Variants in CLIC5 observed in about 807,000 individuals in gnomAD.
The protein encoded by CLIC5 is CLIC family member 5, also known as chloride intracellular channel protein 5.
In CLIC5, 20 loss-of-function variants were observed where a neutral mutation model predicts 24.7. The observed-to-expected ratio is 0.81, with a 90% confidence interval of 0.57 to 1.18. The LOEUF (loss-of-function observed/expected upper bound fraction) is 1.18, where lower values mean the gene tolerates loss of function less well. CLIC5 is among the 50% of genes most tolerant of loss of function. The pLI is 0.00. For synonymous variants in CLIC5, 159 were observed against 135.6 expected (o/e 1.17, Z -1.20); for missense variants, 341 against 326.1 (o/e 1.05, Z -0.35).
chr6:45,977,538 G>T (rs2039716), intron 1 of CLIC5, among the ~76,000 whole-genome samples: 40,969 of 151,942 alleles, frequency 0.27, 6,640 homozygotes, highest in Middle Eastern at 0.42. Flanking sequence ...CAATGACTTT[G>T]CACTAATAAT....
Position 46,039,216 on chromosome 6 carries a change from G to C in CLIC5, c.540+40487C>G, listed in dbSNP as rs542897884. On this transcript the variant is annotated intron_variant, in intron 1 of 5. Transcript: ENST00000185206. ...TTAAGATTCTTCCAGAATAACATGAGGGAAAATATACTAAATTTATTTTTT... is the reference window on the plus strand; with the variant it reads ...TTAAGATTCTTCCAGAATAACATGACGGAAAATATACTAAATTTATTTTTT... 8.9e-4 allele frequency among the ~76,000 whole-genome samples: 136 copies of C among 152,060 alleles called. 1 individual carries two copies. The highest frequency in any genetic ancestry group is 3.2e-3 in the African/African-American group (131 of 41,494).
In CLIC5 at chr6:45,903,220, C is replaced by T. The variant is rs539916161; in HGVS notation, c.624G>A (p.Pro208=). 2.9e-5 allele frequency: 46 copies of T among 1,609,096 alleles called. No individual in the cohort carries two copies. The Admixed American group carries it at 3.2e-4, about 11-fold the overall frequency. The change falls in exon 6 of 6, where the codon CCG becomes CCA. Residue 208 remains proline (P), a synonymous_variant. Transcript: ENST00000339561. The part of the protein sequence containing the change: ...VAKKYRNYDI[P]AEMTGLWRYL... ...ACCGCCACAGGCCTGTCATCTCAGCCGGGATATCATAGTTGCGGTATTTCT... is the reference window on the plus strand; with the variant it reads ...ACCGCCACAGGCCTGTCATCTCAGCTGGGATATCATAGTTGCGGTATTTCT...
chr6:46,087,907 T>C, the CLIC5 span, among the ~76,000 whole-genome samples: 1 of 152,206 alleles, frequency 6.6e-6, no homozygotes, highest in Non-Finnish European at 1.5e-5. Context: ...ATAAACGAGC[T>C]GCATATTTGT....
intron 1 of CLIC5, among the ~76,000 whole-genome samples, chr6:45,971,454 A>C (rs975964359): frequency 6.6e-6 from 1 of 152,208 alleles, no homozygotes; most frequent in Non-Finnish European, 1.5e-5. Flanking sequence ...AGGGTGAGCC[A>C]AAGTCCCAAC....
chr6:46,089,775 CAT>C, the CLIC5 span, among the ~76,000 whole-genome samples: 18 of 152,140 alleles, frequency 1.2e-4, no homozygotes, highest in African/African-American at 4.3e-4. Flanking sequence ...GTACGGGTAA[CAT>C]GAGTAATTTC....
chr6:45,897,042 A>G (rs537122241), downstream of CLIC5, among the ~76,000 whole-genome samples: 9 of 152,196 alleles, frequency 5.9e-5, no homozygotes, highest in Admixed American at 5.2e-4. Context: ...AGTTAGGACC[A>G]GTTTCAGGGT....
intron 1 of CLIC5, among the ~76,000 whole-genome samples, chr6:45,972,944 G>C (rs1044332797): frequency 6.6e-6 from 1 of 152,152 alleles, no homozygotes; most frequent in Non-Finnish European, 1.5e-5. Context: ...GCCCTACTGG[G>C]TTCTAAAAAT....
At chr6:45,961,482 C>T (rs1354137622) in intron 1 of CLIC5, among the ~76,000 whole-genome samples, 1 of 152,210 alleles carries the variant, frequency 6.6e-6, no homozygotes. Flanking sequence ...TGGCTGCTGT[C>T]CTCTAGAAAA....
the CLIC5 span, among the ~76,000 whole-genome samples, chr6:46,126,465 A>G: frequency 2.6e-5 from 4 of 152,194 alleles, no homozygotes; most frequent in African/African-American, 9.6e-5. Context: ...GGTCTAACAC[A>G]ATAGTTCATG....
chr6:45,938,201 C>T (rs1311258043), intron 4 of CLIC5, among the ~76,000 whole-genome samples: 4 of 152,178 alleles, frequency 2.6e-5, no homozygotes, highest in Non-Finnish European at 5.9e-5. Flanking sequence ...TGGGGAGAGG[C>T]CACAGCCATG....
chr6:46,112,370 A>G, the CLIC5 span, among the ~76,000 whole-genome samples: 1 of 152,240 alleles, frequency 6.6e-6, no homozygotes, highest in African/African-American at 2.4e-5. Context: ...ATTATATAAC[A>G]AGACCACCTT....
At chr6:46,018,005 T>A (rs1767069364), upstream of CLIC5, among the ~76,000 whole-genome samples, 1 of 152,166 alleles carries the variant, frequency 6.6e-6, no homozygotes, top group South Asian at 2.1e-4. Flanking sequence ...CAGGCTTACA[T>A]CACCAAAGCC....
At chr6:45,996,747 G>GA (rs1195464714) in intron 1 of CLIC5, among the ~76,000 whole-genome samples, 1 of 151,946 alleles carries the variant, frequency 6.6e-6, no homozygotes, top group Non-Finnish European at 1.5e-5. Context: ...AAAGACACAT[G>GA]AAAAAATGCT....
intron 4 of CLIC5, 37 bp downstream of exon 4, chr6:45,941,510 C>A: frequency 6.8e-7 from 1 of 1,475,992 alleles, no homozygotes; most frequent in Non-Finnish European, 9.5e-7. Flanking sequence ...GCAGATAGAC[C>A]ACTGCCAAGG....
At chr6:45,917,888 T>A (rs939452242) in intron 4 of CLIC5, among the ~76,000 whole-genome samples, 1 of 152,196 alleles carries the variant, frequency 6.6e-6, no homozygotes, top group African/African-American at 2.4e-5. Flanking sequence ...TGTGTTTAAT[T>A]CCTCGTAAAT....
In CLIC5 at chr6:46,029,681, CA is replaced by C. The variant is rs35345120; in HGVS notation, c.540+50021del. ...TTTCTTAGGGGAGCCCATCTTCTTACAAAAAAAAAAGTGTATCCTTGGCTTT... is the reference window on the plus strand; with the variant it reads ...TTTCTTAGGGGAGCCCATCTTCTTACAAAAAAAAAGTGTATCCTTGGCTTT... On this transcript the variant is annotated intron_variant, in intron 1 of 5. Transcript: ENST00000185206. 2.6e-3 allele frequency among the ~76,000 whole-genome samples: 385 copies of C among 147,986 alleles called. 2 individuals are homozygous for C. Among genetic ancestry groups the C allele is most frequent in the African/African-American group, 7.9e-3 (321 of 40,490 alleles).
chr6:46,084,045 CT>C (rs1310164683), upstream of CLIC5, among the ~76,000 whole-genome samples: 5 of 152,262 alleles, frequency 3.3e-5, no homozygotes, highest in Admixed American at 3.3e-4. Context: ...TTCTTTGTCT[CT>C]TTTGATCTTT....
chr6:46,015,707 A>G lies in CLIC5; in HGVS notation c.-165T>C. 7.8e-7 allele frequency: 1 copy of G among 1,277,370 alleles called. No homozygotes were observed. The highest frequency in any genetic ancestry group is 2.5e-5 in the South Asian group (1 of 39,490). 79.1% of individuals were successfully genotyped at this position (1,277,370 alleles called of 1,614,324 possible). On this transcript the variant is annotated 5_prime_UTR_variant, in exon 1 of 6. Transcript: ENST00000339561. ...TCTCCAGCCCGAGCAGCGGGGTCTGAGAGATCAGTGTCCCAGATGCTCACA... is the reference window on the plus strand; with the variant it reads ...TCTCCAGCCCGAGCAGCGGGGTCTGGGAGATCAGTGTCCCAGATGCTCACA...
intron 4 of CLIC5, among the ~76,000 whole-genome samples, chr6:45,928,877 G>A (rs1205401319): frequency 6.6e-6 from 1 of 152,112 alleles, no homozygotes; most frequent in African/African-American, 2.4e-5. Context: ...CATAGGATGA[G>A]GTAACGGTAG....
Sources: allele counts gnomAD v4.1 joint callset (sites outside exome capture counted in the v4.1 genomes callset), GRCh38; gene constraint gnomAD v4.1.1; transcripts MANE v1.5; gene names NCBI Gene and HGNC (gene_info 2026-07-23, HGNC 2026-07-21).